The following NSD1 variants were observed in gnomAD, a reference collection of about 807,000 sequenced individuals.
The protein encoded by NSD1 is nuclear receptor binding SET domain protein 1.
In NSD1, 26 loss-of-function variants were observed where a neutral mutation model predicts 242.7. The ratio of observed to expected loss-of-function variants is 0.11; its 90% CI spans 0.08 to 0.15. The LOEUF is 0.15. Among genes scored for constraint, NSD1 ranks in the 10% least tolerant of loss-of-function variants. The probability of loss-of-function intolerance (pLI) is 1.00; values close to 1 mark genes in which losing one functional copy is unlikely to be tolerated. For synonymous variants in NSD1, 1,106 were observed against 1,178.1 expected, an observed-to-expected ratio of 0.94 and a Z score of 1.25; for missense variants, 2,495 against 3,272.8, an observed-to-expected ratio of 0.76 and a Z score of 5.80.
chr5:177,294,323 C>G lies in NSD1; in HGVS notation c.6955C>G (p.Pro2319Ala). The change falls in exon 23 of 23, where the codon CCA (proline) becomes GCA (alanine). Residue 2319 changes from proline to alanine, a missense_variant. Around this residue, in one of 19 missense-constraint regions of NSD1, gnomAD observed 475 missense variants for 563.7 expected, o/e 0.84. Transcript: ENST00000439151. ...LVSSQRPLDR[P>A]PAVAGPRPQL... The stretch of plus-strand genomic sequence containing the variant: ...TTCCAGCCAGAGGCCACTGGACAGG[C>G]CACCAGCAGTGGCAGGACCAAGACC... 2 of 1,614,178 alleles carry G rather than the reference C, an allele frequency of 1.2e-6. No homozygotes were observed. The highest frequency in any genetic ancestry group is 1.6e-4 in the Middle Eastern group (1 of 6,062).
At chr5:177,219,538 T>C (rs1764075323) in intron 5 of NSD1, among the ~76,000 whole-genome samples, 1 of 152,216 alleles carries the variant, frequency 6.6e-6, no homozygotes, top group Non-Finnish European at 1.5e-5. Flanking sequence ...CTTCCATTGA[T>C]TGTTCAAGAG....
intron 2 of NSD1, among the ~76,000 whole-genome samples, chr5:177,157,531 T>C (rs973663100): frequency 6.6e-6 from 1 of 151,990 alleles, no homozygotes; most frequent in Non-Finnish European, 1.5e-5. Context: ...AAACCCCATC[T>C]CTACTAAAAA....
intron 15 of NSD1, among the ~76,000 whole-genome samples, chr5:177,268,659 G>A (rs1218808952): frequency 6.6e-6 from 1 of 152,050 alleles, no homozygotes; most frequent in Non-Finnish European, 1.5e-5. Context: ...ACCCCCAGAG[G>A]TAACCACTGT....
intron 2 of NSD1, among the ~76,000 whole-genome samples, chr5:177,162,829 T>G (rs1758868303): frequency 6.6e-6 from 1 of 152,092 alleles, no homozygotes; most frequent in African/African-American, 2.4e-5. Flanking sequence ...CTCACCCATC[T>G]AATTTTTTAT....
At chr5:177,280,277 C>T (rs1191477557) in intron 17 of NSD1, among the ~76,000 whole-genome samples, 1 of 150,522 alleles carries the variant, frequency 6.6e-6, no homozygotes, top group Non-Finnish European at 1.5e-5. Context: ...GTACCTGGCT[C>T]GTATTTTATT....
In NSD1 at chr5:177,291,992, C is replaced by A; in HGVS notation, c.6297C>A (p.Phe2099Leu). Residue 2099 changes from phenylalanine (F) to leucine (L), a missense_variant, in exon 22 of 23, where the codon TTC (phenylalanine) becomes TTA (leucine). Phe to Leu is a conservative substitution (Grantham distance 22). This residue lies in a region of NSD1 where 27 missense variants were observed against 33.4 expected (regional missense o/e 0.81). Coordinates refer to ENST00000439151, the MANE Select transcript of NSD1 (RefSeq NM_022455.5). ...PIATEEKSKK[F>L]KKKQQGKRRT... ...CCACGGAAGAAAAGTCAAAGAAATT[C>A]AAGAAGAAGCAACAGGGAAAGCGCA... 6.2e-7 allele frequency: 1 copy of A among 1,613,924 alleles called. No individual in the cohort carries two copies. Among genetic ancestry groups the A allele is most frequent in the Non-Finnish European group, 8.5e-7 (1 of 1,179,924 alleles).
In NSD1 at chr5:177,294,866, A is replaced by G; in HGVS notation, c.7498A>G (p.Met2500Val). 2.5e-6 allele frequency: 4 copies of G among 1,613,338 alleles called. No individual in the cohort carries two copies. The highest frequency in any genetic ancestry group is 3.4e-6 in the Non-Finnish European group (4 of 1,179,946). Residue 2500 changes from methionine (M) to valine (V), a missense_variant, in exon 23 of 23, where the codon ATG (methionine) becomes GTG (valine). Physicochemically the swap from Met to Val is conservative, Grantham distance 21. Around this residue, in one of 19 missense-constraint regions of NSD1, gnomAD observed 475 missense variants for 563.7 expected, o/e 0.84. Transcript: ENST00000439151. Reference sequence around the variant, plus strand: ...GCCTGCCAGCAAAGGTCTGGGGCATATGCCGAGAGCTGTTGAGAAAGGCTG... The same window carrying G: ...GCCTGCCAGCAAAGGTCTGGGGCATGTGCCGAGAGCTGTTGAGAAAGGCTG... Reference protein sequence around the residue: ...SWPASKGLGHMPRAVEKGCVS... With the variant: ...SWPASKGLGHVPRAVEKGCVS...
intron 20 of NSD1, among the ~76,000 whole-genome samples, chr5:177,284,417 A>G (rs1759134830): frequency 2.0e-5 from 3 of 151,848 alleles, no homozygotes; most frequent in South Asian, 4.1e-4. Flanking sequence ...AGCTAGGGCT[A>G]TAGGCACATG....
chr5:177,139,161 G>A (rs978493648), intron 2 of NSD1, among the ~76,000 whole-genome samples: 7 of 151,856 alleles, frequency 4.6e-5, no homozygotes, highest in Non-Finnish European at 7.4e-5. Context: ...TGAGGCAGGA[G>A]AATCACTTGA....
At chr5:177,278,173 C>T (rs1369042980) in intron 17 of NSD1, among the ~76,000 whole-genome samples, 3 of 152,168 alleles carry the variant, frequency 2.0e-5, no homozygotes, top group Admixed American at 1.3e-4. Flanking sequence ...ATTTTCCCCA[C>T]GGACAGCATC....
intron 10 of NSD1, 71 bp from the exon 11 acceptor site, chr5:177,248,110 C>T (rs1252184164): frequency 3.8e-6 from 6 of 1,594,332 alleles, no homozygotes; most frequent in Non-Finnish European, 5.1e-6. Flanking sequence ...CAAATAGCAG[C>T]CCAGAGGGAG....
intron 5 of NSD1, among the ~76,000 whole-genome samples, chr5:177,229,012 A>G (rs1017781453): frequency 3.9e-5 from 6 of 152,060 alleles, no homozygotes; most frequent in Non-Finnish European, 8.8e-5. Flanking sequence ...TGGACATTTA[A>G]TATTAATGGA....
intron 2 of NSD1, among the ~76,000 whole-genome samples, chr5:177,174,852 C>T (rs899458407): frequency 1.4e-5 from 2 of 141,888 alleles, no homozygotes; most frequent in East Asian, 2.2e-4. Context: ...TATGAGCCAC[C>T]GTGCCTGGCC....
chr5:177,133,750 CGCGGTGGGGGTGT>C (rs1017714446), upstream of NSD1: 1 of 147,026 alleles, frequency 6.8e-6, no homozygotes, highest in Non-Finnish European at 1.5e-5. The surrounding 1 kb of genome is among the most constrained non-coding windows in gnomAD (Gnocchi z 6.2). Flanking sequence ...CGGGGGCGCG[CGCGGTGGGGGTGT>C]GAGGAGGAGG....
At chr5:177,133,722 C>T (rs1756033614), upstream of NSD1, 3 of 145,994 alleles carry the variant, frequency 2.1e-5, no homozygotes, top group Non-Finnish European at 3.0e-5. The surrounding 1 kb of genome is among the most constrained non-coding windows in gnomAD (Gnocchi z 6.2). Flanking sequence ...GCGAGGCGCT[C>T]GGTCGCACGC....
rs1289883340 is a variant in NSD1, at chr5:177,235,853, C to G, written c.3829C>G (p.Pro1277Ala). The change falls in exon 6 of 23, where the codon CCA (proline) becomes GCA (alanine). Residue 1277 changes from proline to alanine, a missense_variant. By Grantham distance (27) the Pro-to-Ala change is conservative. Transcript: ENST00000439151. ...GTCAGAGAAGAAACGCCTTAGGAAGCCAAGCAAGTGGCTTTTGGAATATAC... is the reference window on the plus strand; with the variant it reads ...GTCAGAGAAGAAACGCCTTAGGAAGGCAAGCAAGTGGCTTTTGGAATATAC... ...VRSEKKRLRK[P>A]SKWLLEYTEE... 1 of 1,613,928 alleles carries G rather than the reference C, an allele frequency of 6.2e-7. No homozygotes were observed. The highest frequency in any genetic ancestry group is 8.5e-7 in the Non-Finnish European group (1 of 1,179,894).
chr5:177,222,002 G>C (rs560009024), intron 5 of NSD1, among the ~76,000 whole-genome samples: 47 of 152,114 alleles, frequency 3.1e-4, no homozygotes, highest in South Asian at 2.1e-3. Flanking sequence ...GTGGAGACAG[G>C]GTTTCACCAT....
chr5:177,236,955 G>C (rs1765496653), intron 6 of NSD1, among the ~76,000 whole-genome samples: 1 of 152,162 alleles, frequency 6.6e-6, no homozygotes, highest in Admixed American at 6.5e-5. Context: ...TTCCGTCTCA[G>C]CCTCCTGAGT....
In NSD1 at chr5:177,265,507, G is replaced by T. The variant is rs888011983; in HGVS notation, c.5147-2055G>T. ...AGGGAGGGAGAGAGAGAGGAAGGGG[G>T]AGCCCCACAACCGTCTAGGAATGCT... On this transcript the variant is annotated intron_variant, in intron 14 of 22. Transcript: ENST00000439151. 8.8e-6 allele frequency: 6 copies of T among 679,606 alleles called. No individual in the cohort carries two copies. In the Admixed American group the frequency reaches 1.1e-4, roughly 12 times the overall value. The allele number at this position is 679,606 out of a possible 1,614,324, so 42.1% of individuals were successfully genotyped here.
Sources: gnomAD v4.1 joint callset for allele counts (sites outside exome capture counted in the v4.1 genomes callset) on GRCh38, gnomAD v4.1.1 for gene constraint, gnomAD v4.1.1 regional missense constraint, Gnocchi (gnomAD v3.1) non-coding constraint, MANE v1.5 for transcripts, NCBI Gene and HGNC (gene_info 2026-07-23, HGNC 2026-07-21) for gene names.